The following FKTN variants were observed in gnomAD, a reference collection of about 807,000 sequenced individuals.
The protein encoded by FKTN is ribitol-5-phosphate transferase FKTN.
FKTN carries 47 observed loss-of-function variants against 58.6 expected under a neutral mutation model. The ratio of observed to expected loss-of-function variants is 0.80; its 90% confidence interval spans 0.63 to 1.02. The LOEUF is 1.02. Among genes scored for constraint, FKTN ranks in the 50% least tolerant of loss-of-function variants. The pLI is 0.00. For synonymous variants in FKTN, 178 were observed against 191.9 expected (o/e 0.93, Z 0.60); for missense variants, 516 against 537.3 (o/e 0.96, Z 0.39).
At chr9:105,633,135 G>A (rs1340356977) in intron 10 of FKTN, among the ~76,000 whole-genome samples, 1 of 152,064 alleles carries the variant, frequency 6.6e-6, no homozygotes, top group African/African-American at 2.4e-5. Context: ...AATAATTGGG[G>A]AAAAGGAAAC....
intron 6 of FKTN, among the ~76,000 whole-genome samples, chr9:105,605,517 G>T (rs892329065): frequency 1.3e-5 from 2 of 152,060 alleles, no homozygotes; most frequent in Non-Finnish European, 2.9e-5. Flanking sequence ...ATAGCCAAAA[G>T]AAAATGTGGT....
At chr9:105,562,354 A>G (rs577769511) in intron 1 of FKTN, among the ~76,000 whole-genome samples, 1 of 152,338 alleles carries the variant, frequency 6.6e-6, no homozygotes, top group South Asian at 2.1e-4. Flanking sequence ...AAGGGTGTGA[A>G]AAATGGTCCT....
Position 105,637,423 on chromosome 9 carries a change from A to C in FKTN, c.*2159A>C. On this transcript the variant is annotated 3_prime_UTR_variant, in exon 11 of 11. Coordinates refer to ENST00000357998, the MANE Select transcript of FKTN (RefSeq NM_001079802.2). The stretch of plus-strand genomic sequence containing the variant: ...AATACTTTTCTTGTCTTCTGGTTTC[A>C]CAGGCTTCAGCTCATGGGTTCCACC... 1 of 985,444 alleles carries C rather than the reference A, an allele frequency of 1.0e-6. No individual in the cohort carries two copies. The highest frequency in any genetic ancestry group is 4.7e-5 in the South Asian group (1 of 21,286). The allele number at this position is 985,444 out of a possible 1,614,324, so 61.0% of individuals were successfully genotyped here. A position where few individuals can be genotyped will look rare whatever the true frequency, so the allele number is the denominator to read the frequency against.
intron 5 of FKTN, chr9:105,603,926 C>G: frequency 2.6e-6 from 1 of 391,380 alleles, no homozygotes; most frequent in Non-Finnish European, 4.8e-6. Context: ...CCTCAGCCTC[C>G]CAAAGCGCTG....
Position 105,636,859 on chromosome 9 carries a change from G to A in FKTN, c.*1595G>A, listed in dbSNP as rs545796818. 112 of 1,140,782 alleles carry A rather than the reference G, an allele frequency of 9.8e-5. No individual in the cohort carries two copies. In the Middle Eastern group the frequency reaches 1.0e-3, roughly 10 times the overall value. The allele number at this position is 1,140,782 out of a possible 1,614,324, so 70.7% of individuals were successfully genotyped here. A position where few individuals can be genotyped will look rare whatever the true frequency, so the allele number is the denominator to read the frequency against. On this transcript the variant is annotated 3_prime_UTR_variant, in exon 11 of 11. Coordinates refer to ENST00000357998, the MANE Select transcript of FKTN (RefSeq NM_001079802.2). ...AAAGTAACTTACAACCACCCATTCC[G>A]GATTTGTAAAGCAACATGAAAACCT...
intron 3 of FKTN, among the ~76,000 whole-genome samples, chr9:105,589,406 G>A (rs537004325): frequency 1.3e-5 from 2 of 151,978 alleles, no homozygotes; most frequent in Admixed American, 6.6e-5. Context: ...GGAAGCTGAG[G>A]CACGAGAATC....
chr9:105,593,774 T>C (rs1230452460), intron 3 of FKTN, among the ~76,000 whole-genome samples: 1 of 152,192 alleles, frequency 6.6e-6, no homozygotes, highest in Admixed American at 6.5e-5. Context: ...GAGGCAGAGG[T>C]TGTCAACAAT....
intron 9 of FKTN, among the ~76,000 whole-genome samples, chr9:105,618,339 C>T (rs1365731423): frequency 6.6e-6 from 1 of 150,988 alleles, no homozygotes; most frequent in African/African-American, 2.4e-5. Flanking sequence ...ACTTTTGCAC[C>T]AATAATGATA....
At chr9:105,629,386 T>C (rs1833124803) in intron 10 of FKTN, among the ~76,000 whole-genome samples, 1 of 152,226 alleles carries the variant, frequency 6.6e-6, no homozygotes, top group African/African-American at 2.4e-5. Flanking sequence ...CTTTCACATA[T>C]GATTAAACAA....
chr9:105,608,191 A>T (rs1396930372), intron 7 of FKTN, among the ~76,000 whole-genome samples: 4 of 152,138 alleles, frequency 2.6e-5, no homozygotes, highest in African/African-American at 9.7e-5. Flanking sequence ...TTTTATTTGA[A>T]TAACTTTAAT....
chr9:105,600,089 G>C (rs900224071), intron 4 of FKTN, among the ~76,000 whole-genome samples: 1 of 151,870 alleles, frequency 6.6e-6, no homozygotes, highest in African/African-American at 2.4e-5. Flanking sequence ...GAATTTTTTG[G>C]TGTAACATTG....
chr9:105,600,709 A>C (rs887089215), intron 4 of FKTN, among the ~76,000 whole-genome samples: 1 of 152,198 alleles, frequency 6.6e-6, no homozygotes, highest in African/African-American at 2.4e-5. Flanking sequence ...TTGAAAGATT[A>C]ACAAGACTGA....
intron 10 of FKTN, among the ~76,000 whole-genome samples, chr9:105,629,863 A>G (rs542358502): frequency 2.0e-5 from 3 of 152,358 alleles, no homozygotes; most frequent in Admixed American, 1.3e-4. Context: ...CTATGCAGCC[A>G]TAAAAAAGGA....
At chr9:105,560,281 A>G (rs1250701422) in intron 1 of FKTN, among the ~76,000 whole-genome samples, 1 of 152,200 alleles carries the variant, frequency 6.6e-6, no homozygotes, top group Non-Finnish European at 1.5e-5. Context: ...TAATGTACAT[A>G]TGAATCATCT....
chr9:105,560,637 A>G (rs771031596), intron 1 of FKTN, among the ~76,000 whole-genome samples: 2 of 152,254 alleles, frequency 1.3e-5, no homozygotes, highest in Non-Finnish European at 2.9e-5. Flanking sequence ...CAGATTTTAC[A>G]TATGTACATA....
chr9:105,599,825 A>G (rs1310963732), intron 4 of FKTN, among the ~76,000 whole-genome samples: 2 of 152,042 alleles, frequency 1.3e-5, no homozygotes, highest in Non-Finnish European at 2.9e-5. Context: ...GCCTCTTAAA[A>G]TCAGATAGGA....
chr9:105,606,045 A>C (rs914676642), intron 6 of FKTN, among the ~76,000 whole-genome samples: 3 of 152,138 alleles, frequency 2.0e-5, no homozygotes, highest in African/African-American at 7.2e-5. Context: ...TTGAAAATAC[A>C]AAAGTGAAAG....
chr9:105,635,004 T>C (rs1833910602), intron 10 of FKTN, 47 bp from the exon 11 acceptor site: 1 of 1,510,392 alleles, frequency 6.6e-7, no homozygotes, highest in Non-Finnish European at 9.2e-7. Flanking sequence ...ATTCCTTAGC[T>C]AGACCTTCTT....
intron 6 of FKTN, among the ~76,000 whole-genome samples, chr9:105,605,853 T>C (rs1312643940): frequency 6.6e-6 from 1 of 152,112 alleles, no homozygotes; most frequent in Non-Finnish European, 1.5e-5. Context: ...GTGACTATAG[T>C]AAAAAATAAT....
Sources: gnomAD v4.1 joint callset for allele counts (sites outside exome capture counted in the v4.1 genomes callset) on GRCh38, gnomAD v4.1.1 for gene constraint, MANE v1.5 for transcripts, NCBI Gene and HGNC (gene_info 2026-07-23, HGNC 2026-07-21) for gene names.